SGCD: variants seen among roughly 807,000 people sequenced by gnomAD.
SGCD encodes sarcoglycan delta.
Under a neutral mutation model 36.6 loss-of-function variants are expected in SGCD, and 18 were observed. The ratio of observed to expected loss-of-function variants is 0.49; its 90% CI spans 0.34 to 0.73. SGCD has a LOEUF of 0.73. SGCD is among the 30% of genes least tolerant of loss of function. SGCD has a pLI of 0.01. For missense variants in SGCD, 387 were observed against 346.7 expected, an observed-to-expected ratio of 1.12 and a Z score of -0.92; for synonymous variants, 133 against 130.6, an observed-to-expected ratio of 1.02 and a Z score of -0.12.
chr5:156,472,230 A>C (rs1415646200), intron 3 of SGCD, among the ~76,000 whole-genome samples: 2 of 152,244 alleles, frequency 1.3e-5, no homozygotes, highest in African/African-American at 4.8e-5. Flanking sequence ...TACCGATCTT[A>C]TGACCCAGCA....
intron 7 of SGCD, among the ~76,000 whole-genome samples, chr5:156,651,636 A>G (rs991275942): frequency 2.0e-5 from 3 of 152,014 alleles, no homozygotes; most frequent in African/African-American, 7.2e-5. Flanking sequence ...TGGTTTCTCT[A>G]TTCTGTTCCA....
chr5:155,931,705 A>G (rs1757100729), intron 1 of SGCD, among the ~76,000 whole-genome samples: 2 of 152,178 alleles, frequency 1.3e-5, no homozygotes. Context: ...TATGTTAGCT[A>G]CCCTTAGCAT....
chr5:156,150,798 T>C (rs1388488723), intron 3 of SGCD, among the ~76,000 whole-genome samples: 1 of 151,678 alleles, frequency 6.6e-6, no homozygotes, highest in East Asian at 1.9e-4. Context: ...TTCTGAAAGA[T>C]AGCTTATTAA....
intron 1 of SGCD, among the ~76,000 whole-genome samples, chr5:155,954,962 A>C (rs1219511716): frequency 6.6e-6 from 1 of 152,162 alleles, no homozygotes; most frequent in East Asian, 1.9e-4. Context: ...AGACCCAAGC[A>C]GAGCCAGTGT....
rs539788903 is a variant in SGCD at position 156,479,342 on chromosome 5, C to T, written c.193-29259C>T. On this transcript the variant is annotated intron_variant, in intron 3 of 8. Transcript: ENST00000337851. Reference sequence around the variant, plus strand: ...AACTCCTGACCTCAAGTGATCCAGCCGCCTCGGCCTCCCAAAGTGCTGGGA... The same window carrying T: ...AACTCCTGACCTCAAGTGATCCAGCTGCCTCGGCCTCCCAAAGTGCTGGGA... Among the ~76,000 whole-genome samples the T allele has an allele frequency of 4.7e-4, 72 of 152,132 alleles. No homozygotes were observed. The South Asian group carries it at 8.1e-3, about 17-fold the overall frequency.
intron 3 of SGCD, among the ~76,000 whole-genome samples, chr5:156,263,867 G>C (rs1334527970): frequency 6.6e-6 from 1 of 151,964 alleles, no homozygotes; most frequent in Non-Finnish European, 1.5e-5. Context: ...TCCACTTTAA[G>C]TTTTTGTTTG....
chr5:155,757,066 C>T, the SGCD span, among the ~76,000 whole-genome samples: 1 of 152,170 alleles, frequency 6.6e-6, no homozygotes, highest in Non-Finnish European at 1.5e-5. Flanking sequence ...AGAGGCTATA[C>T]CTGCCACTTG....
intron 3 of SGCD, among the ~76,000 whole-genome samples, chr5:156,402,858 G>A (rs923061112): frequency 1.6e-4 from 24 of 152,214 alleles, no homozygotes; most frequent in African/African-American, 5.8e-4. Context: ...TGGTTACCGC[G>A]TTCCCCAAAG....
intron 3 of SGCD, among the ~76,000 whole-genome samples, chr5:156,300,016 C>T (rs28826428): frequency 0.36 from 54,171 of 151,702 alleles, 11,026 homozygotes; most frequent in African/African-American, 0.55. Flanking sequence ...TTCCTGATCT[C>T]GGAGGAAAGG....
At chr5:156,571,972 C>G (rs1759743137) in intron 4 of SGCD, among the ~76,000 whole-genome samples, 1 of 152,184 alleles carries the variant, frequency 6.6e-6, no homozygotes, top group African/African-American at 2.4e-5. Context: ...ATTGCCTACT[C>G]TGGATATTTC....
chr5:155,964,509 T>C (rs1482439557), intron 1 of SGCD, among the ~76,000 whole-genome samples: 1 of 152,098 alleles, frequency 6.6e-6, no homozygotes, highest in African/African-American at 2.4e-5. Flanking sequence ...TGGCTAATTT[T>C]CTATTTTTCG....
intron 1 of SGCD, among the ~76,000 whole-genome samples, chr5:155,998,376 G>A (rs2127567108): frequency 6.6e-6 from 1 of 152,170 alleles, no homozygotes; most frequent in African/African-American, 2.4e-5. Flanking sequence ...AGGCAAGGAA[G>A]GAACTTAGGA....
chr5:156,646,108 C>T (rs1763214101), intron 6 of SGCD, among the ~76,000 whole-genome samples: 1 of 152,114 alleles, frequency 6.6e-6, no homozygotes, highest in African/African-American at 2.4e-5. Flanking sequence ...AGTTTGTCCT[C>T]CAGTATGTGG....
intron 6 of SGCD, among the ~76,000 whole-genome samples, chr5:156,623,969 C>G (rs1346524458): frequency 2.0e-5 from 3 of 152,182 alleles, no homozygotes; most frequent in Admixed American, 1.3e-4. Context: ...AGATACATCT[C>G]TCTTTAGCAA....
chr5:155,998,438 T>G (rs1319982954), intron 1 of SGCD, among the ~76,000 whole-genome samples: 1 of 152,200 alleles, frequency 6.6e-6, no homozygotes, highest in African/African-American at 2.4e-5. Flanking sequence ...TGTGTGGGTG[T>G]TTCCTGAGAA....
chr5:156,021,833 A>G (rs1157903000), intron 1 of SGCD, among the ~76,000 whole-genome samples: 1 of 152,166 alleles, frequency 6.6e-6, no homozygotes, highest in Non-Finnish European at 1.5e-5. Flanking sequence ...AGCAGCTGCT[A>G]TTTGGCCCTG....
At chr5:156,212,239 A>T (rs551305477) in intron 3 of SGCD, among the ~76,000 whole-genome samples, 3 of 152,242 alleles carry the variant, frequency 2.0e-5, no homozygotes, top group Non-Finnish European at 4.4e-5. Context: ...TTTTAAAAAG[A>T]TCTAAATGTA....
intron 3 of SGCD, among the ~76,000 whole-genome samples, chr5:156,131,858 A>T (rs1762332217): frequency 1.3e-5 from 2 of 152,208 alleles, no homozygotes; most frequent in African/African-American, 4.8e-5. Flanking sequence ...AACATCGAAG[A>T]GCTGAATTCC....
At chr5:155,750,672 G>A in the SGCD span, among the ~76,000 whole-genome samples, 3 of 152,258 alleles carry the variant, frequency 2.0e-5, no homozygotes, top group East Asian at 5.8e-4. Context: ...TATTTAAAAA[G>A]TACATTACAT....
Sources: allele counts gnomAD v4.1 joint callset (sites outside exome capture counted in the v4.1 genomes callset), GRCh38; gene constraint gnomAD v4.1.1; transcripts MANE v1.5; gene names NCBI Gene and HGNC (gene_info 2026-07-23, HGNC 2026-07-21).